SP4: variants seen among roughly 807,000 people sequenced by gnomAD.
SP4 encodes the protein transcription factor Sp4.
SP4 carries 19 observed loss-of-function variants against 72.8 expected under a neutral mutation model. The observed-to-expected ratio is 0.26, with a 90% CI of 0.18 to 0.38. SP4 has a LOEUF of 0.38. Among genes scored for constraint, SP4 ranks in the 10% least tolerant of loss-of-function variants. SP4 has a pLI of 1.00. For synonymous variants in SP4, 395 were observed against 333.1 expected (o/e 1.19, Z -2.02); for missense variants, 1,008 against 926.3 (o/e 1.09, Z -1.14).
intron 3 of SP4, among the ~76,000 whole-genome samples, chr7:21,473,870 A>G (rs906730165): frequency 5.9e-5 from 9 of 152,218 alleles, no homozygotes; most frequent in South Asian, 4.1e-4. Flanking sequence ...TGAGAAGTCA[A>G]TAGAATTAAA....
At chr7:21,433,297 A>G (rs1265652390) in intron 3 of SP4, among the ~76,000 whole-genome samples, 2 of 152,196 alleles carry the variant, frequency 1.3e-5, no homozygotes, top group Non-Finnish European at 2.9e-5. Flanking sequence ...TTTGAACTCT[A>G]CATAGTTGGA....
At chr7:21,449,860 C>A (rs1055401721) in intron 3 of SP4, among the ~76,000 whole-genome samples, 3 of 152,070 alleles carry the variant, frequency 2.0e-5, no homozygotes, top group Non-Finnish European at 4.4e-5. Flanking sequence ...ATAGGCAAGT[C>A]TTTTCTTCTT....
At chr7:21,468,780 G>A (rs1583416206) in intron 3 of SP4, among the ~76,000 whole-genome samples, 1 of 152,036 alleles carries the variant, frequency 6.6e-6, no homozygotes, top group African/African-American at 2.4e-5. Context: ...TTAAGGAAAT[G>A]TACAGTATTA....
intron 3 of SP4, among the ~76,000 whole-genome samples, chr7:21,448,127 T>C (rs1783483128): frequency 6.6e-6 from 1 of 152,250 alleles, no homozygotes; most frequent in Admixed American, 6.5e-5. Context: ...GGATTTCATT[T>C]TGTAGGTTAA....
At chr7:21,463,248 A>G (rs1175485462) in intron 3 of SP4, among the ~76,000 whole-genome samples, 1 of 152,158 alleles carries the variant, frequency 6.6e-6, no homozygotes, top group Non-Finnish European at 1.5e-5. Context: ...AATCATCTAC[A>G]GATTGTAAGG....
In SP4 at chr7:21,463,837, T is replaced by G. The variant is rs75823282; in HGVS notation, c.1679-13242T>G. ...ATCATCATCACTCAAATTAGAATACTTATAGATTTATTTGATCTTTATCAA... is the reference window on the plus strand; with the variant it reads ...ATCATCATCACTCAAATTAGAATACGTATAGATTTATTTGATCTTTATCAA... On this transcript the variant is annotated intron_variant, in intron 3 of 5. Coordinates refer to ENST00000222584, the MANE Select transcript of SP4 (RefSeq NM_003112.5). Among the ~76,000 whole-genome samples, 580 of 152,316 alleles carry G rather than the reference T, an allele frequency of 3.8e-3. 3 individuals are homozygous for G. Among genetic ancestry groups the G allele is most frequent in the African/African-American group, 0.013 (524 of 41,574 alleles).
chr7:21,429,450 G>C lies in SP4; in HGVS notation c.285G>C (p.Thr95=), dbSNP rs754354170. The C allele has an allele frequency of 1.9e-6, 3 of 1,614,018 alleles. No homozygotes were observed. Among genetic ancestry groups the C allele is most frequent in the Admixed American group, 1.7e-5 (1 of 59,986 alleles). The change falls in exon 3 of 6, where the codon ACG becomes ACC. Residue 95 remains threonine (T), a synonymous_variant. Transcript: ENST00000222584. ...NQPQQLELVT[T]QLAGNAWQLV... is the part of the protein sequence containing the mutation. The stretch of plus-strand genomic sequence containing the variant: ...CACAACAGCTAGAACTGGTAACAAC[G>C]CAACTTGCTGGAAACGCTTGGCAAC...
chr7:21,495,569 T>G (rs1272900857), intron 5 of SP4, among the ~76,000 whole-genome samples: 2 of 151,994 alleles, frequency 1.3e-5, no homozygotes, highest in Non-Finnish European at 2.9e-5. Context: ...ATGGCTAAAA[T>G]CAAAAGCAAG....
chr7:21,466,748 G>T (rs955018569), intron 3 of SP4, among the ~76,000 whole-genome samples: 1 of 151,718 alleles, frequency 6.6e-6, no homozygotes, highest in Non-Finnish European at 1.5e-5. Context: ...ATAAGGCAAA[G>T]AAGTATTTTG....
intron 3 of SP4, among the ~76,000 whole-genome samples, chr7:21,464,824 A>G (rs10259756): frequency 0.021 from 3,273 of 152,312 alleles, 126 homozygotes; most frequent in African/African-American, 0.074. Context: ...GGCTATAGCA[A>G]TGCATTACTA....
intron 3 of SP4, among the ~76,000 whole-genome samples, chr7:21,454,409 C>T (rs903346402): frequency 2.7e-5 from 4 of 150,926 alleles, no homozygotes; most frequent in African/African-American, 7.3e-5. Context: ...TGGACTCTCT[C>T]ACTTGGCTTG....
intron 5 of SP4, among the ~76,000 whole-genome samples, chr7:21,496,677 A>AT (rs1404544315): frequency 1.3e-5 from 2 of 151,760 alleles, no homozygotes; most frequent in East Asian, 3.9e-4. Flanking sequence ...ATTATTATTT[A>AT]TTTATTTTTT....
At chr7:21,454,035 C>A (rs982668696) in intron 3 of SP4, among the ~76,000 whole-genome samples, 1 of 152,102 alleles carries the variant, frequency 6.6e-6, no homozygotes, top group Non-Finnish European at 1.5e-5. Context: ...ATGTAAAACT[C>A]TTTTTTTCAG....
intron 5 of SP4, among the ~76,000 whole-genome samples, chr7:21,508,491 T>C (rs1045771454): frequency 1.1e-4 from 17 of 152,222 alleles, no homozygotes; most frequent in Non-Finnish European, 1.2e-4. Context: ...CACGCCCAGC[T>C]ACTTTTTTTG....
At chr7:21,484,383 T>C (rs1162224784) in intron 5 of SP4, among the ~76,000 whole-genome samples, 1 of 151,960 alleles carries the variant, frequency 6.6e-6, no homozygotes, top group Non-Finnish European at 1.5e-5. Flanking sequence ...TGGAATTTTC[T>C]ACTTGTGGGA....
chr7:21,489,044 G>GA (rs905980724), intron 5 of SP4, among the ~76,000 whole-genome samples: 1 of 152,022 alleles, frequency 6.6e-6, no homozygotes, highest in African/African-American at 2.4e-5. Flanking sequence ...CACCAGCTAA[G>GA]AAAAAATCCT....
At chr7:21,510,890 TAAAAC>T (rs1357897976) in intron 5 of SP4, 127 bp from the exon 6 acceptor site, 8 of 826,946 alleles carry the variant, frequency 9.7e-6, no homozygotes, top group Admixed American at 6.3e-5. Flanking sequence ...CGTTTTTAAA[TAAAAC>T]AAAGCATTTT....
rs574509626 is a variant in SP4 at position 21,464,870 on chromosome 7, G to T, written c.1679-12209G>T. 2.0e-5 allele frequency among the ~76,000 whole-genome samples: 3 copies of T among 152,228 alleles called. No individual in the cohort carries two copies. The East Asian group carries it at 5.8e-4, about 29-fold the overall frequency. On this transcript the variant is annotated intron_variant, in intron 3 of 5. Transcript: ENST00000222584. ...TCATTGTACATCTAAAGGACCGGAA[G>T]TAGCTTTAAAACTTTTTAAGACTAT...
rs539375576 is a variant in SP4, at chr7:21,513,786, C to G, written c.*2517C>G. 3 of 152,232 alleles carry G rather than the reference C, an allele frequency of 2.0e-5. No individual in the cohort carries two copies. In the South Asian group the frequency reaches 6.2e-4, roughly 32 times the overall value. 9.4% of individuals were successfully genotyped at this position (152,232 alleles called of 1,614,324 possible). ...CCTATTATAAATTTATCAGATGAAT[C>G]TAGATAGCTTTATAGCATATAAAAT... On this transcript the variant is annotated 3_prime_UTR_variant, in exon 6 of 6. Transcript: ENST00000222584.
Sources: allele counts gnomAD v4.1 joint callset (sites outside exome capture counted in the v4.1 genomes callset), GRCh38; gene constraint gnomAD v4.1.1; transcripts MANE v1.5; gene names NCBI Gene and HGNC (gene_info 2026-07-23, HGNC 2026-07-21).